The following ZNF644 variants were observed in gnomAD, a reference collection of about 807,000 sequenced individuals.
ZNF644 encodes zinc finger protein 644.
Under a neutral mutation model 108.0 loss-of-function variants are expected in ZNF644, and 20 were observed. That is an observed-to-expected ratio of 0.19 (90% confidence interval 0.13 to 0.27). ZNF644 has a LOEUF of 0.27. Ranked by LOEUF, ZNF644 falls within the 10% of genes least tolerant of loss-of-function variation. The pLI, the probability that ZNF644 is intolerant of heterozygous loss-of-function variation, is 1.00. For synonymous variants in ZNF644, 542 were observed against 539.1 expected (o/e 1.01, Z -0.08); for missense variants, 1,338 against 1,548.9 (o/e 0.86, Z 2.29).
chr1:90,923,156 T>C (rs1047278997), intron 4 of ZNF644, among the ~76,000 whole-genome samples: 3 of 152,140 alleles, frequency 2.0e-5, no homozygotes, highest in Non-Finnish European at 4.4e-5. Flanking sequence ...CACAGTCACA[T>C]AGGGAGAGCC....
rs201554827 is a variant in ZNF644 at position 90,937,444 on chromosome 1, C to A, written c.3688+41G>T. 8.7e-6 allele frequency: 14 copies of A among 1,612,648 alleles called. No homozygotes were observed. In the African/African-American group the frequency reaches 1.6e-4, roughly 18 times the overall value. ...CATTAAAGAAGGCATAATTGAACTG[C>A]ATTTAAACTGTGTATAGCATAGTCA... is the stretch of plus-strand genomic sequence containing the variant. On this transcript the variant is annotated intron_variant, in intron 4 of 5. Coordinates refer to ENST00000337393, the MANE Select transcript of ZNF644 (RefSeq NM_201269.3).
rs148930345 is a variant in ZNF644, at chr1:90,985,611, T to C, written c.-17-3241A>G. ...CTTAGCATAATGTCCTCCAGGTTCA[T>C]CCATGTTGTTGCAAATAACAGAATT... is the stretch of plus-strand genomic sequence containing the variant. On this transcript the variant is annotated intron_variant, in intron 1 of 5. Transcript: ENST00000337393. 3.0e-4 allele frequency among the ~76,000 whole-genome samples: 45 copies of C among 152,338 alleles called. 2 individuals carry two copies. In the East Asian group the frequency reaches 8.7e-3, roughly 29 times the overall value.
In ZNF644 at chr1:90,932,164, G is replaced by A. The variant is rs567115227; in HGVS notation, c.3688+5321C>T. 3.3e-5 allele frequency among the ~76,000 whole-genome samples: 5 copies of A among 152,256 alleles called. No individual in the cohort carries two copies. The South Asian group carries it at 1.0e-3, about 32-fold the overall frequency. On this transcript the variant is annotated intron_variant, in intron 4 of 5. Coordinates refer to ENST00000337393, the MANE Select transcript of ZNF644 (RefSeq NM_201269.3). ...GGATACTTGAAGAGATTATAAGTTA[G>A]AAGAAATATTTTTCTTCCCTCAAAA... is the stretch of plus-strand genomic sequence containing the variant.
At chr1:90,958,090 A>G (rs556633774) in intron 2 of ZNF644, among the ~76,000 whole-genome samples, 2 of 151,908 alleles carry the variant, frequency 1.3e-5, no homozygotes, top group South Asian at 4.2e-4. Flanking sequence ...GCCAACAGCG[A>G]GAAACCCTGT....
At chr1:91,005,720 G>C (rs1000274982) in intron 1 of ZNF644, among the ~76,000 whole-genome samples, 2 of 151,884 alleles carry the variant, frequency 1.3e-5, no homozygotes, top group Non-Finnish European at 2.9e-5. Context: ...AGTATATTGA[G>C]AAAAATGAAA....
At chr1:91,000,057 A>C (rs1328986666) in intron 1 of ZNF644, among the ~76,000 whole-genome samples, 1 of 152,224 alleles carries the variant, frequency 6.6e-6, no homozygotes, top group Non-Finnish European at 1.5e-5. Flanking sequence ...AGAGACCTAC[A>C]AAGAGACTTA....
chr1:90,943,928 A>C (rs530582951), intron 2 of ZNF644, among the ~76,000 whole-genome samples: 1 of 152,382 alleles, frequency 6.6e-6, no homozygotes, highest in East Asian at 1.9e-4. Flanking sequence ...CATAAATCTG[A>C]AACGAACGAC....
Position 90,915,333 on chromosome 1 carries a change from T to C in ZNF644, c.*1465A>G, listed in dbSNP as rs1648656882. 6.6e-6 allele frequency: 1 copy of C among 152,558 alleles called. No individual in the cohort carries two copies. Among genetic ancestry groups the C allele is most frequent in the Admixed American group, 6.5e-5 (1 of 15,268 alleles). The allele number at this position is 152,558 out of a possible 1,614,324, so 9.5% of individuals were successfully genotyped here. A position where few individuals can be genotyped will look rare whatever the true frequency, so the allele number is the denominator to read the frequency against. On this transcript the variant is annotated 3_prime_UTR_variant, in exon 6 of 6. Transcript: ENST00000337393. ...CTTTAAACCTTTTTTTATTTAGAGA[T>C]TTTTCTGGTAAGGAGATATACCATA... is the stretch of plus-strand genomic sequence containing the variant.
intron 1 of ZNF644, among the ~76,000 whole-genome samples, chr1:90,999,433 A>C (rs941694785): frequency 6.6e-6 from 1 of 152,244 alleles, no homozygotes; most frequent in African/African-American, 2.4e-5. Flanking sequence ...TTTCATAGCC[A>C]GCCAAACTAA....
At chr1:90,952,449 G>A (rs1653271408) in intron 2 of ZNF644, among the ~76,000 whole-genome samples, 1 of 152,122 alleles carries the variant, frequency 6.6e-6, no homozygotes, top group African/African-American at 2.4e-5. Flanking sequence ...CATATAGGGA[G>A]AGGTCTATAC....
chr1:90,932,331 C>T (rs1314847299), intron 4 of ZNF644, among the ~76,000 whole-genome samples: 1 of 152,070 alleles, frequency 6.6e-6, no homozygotes, highest in Non-Finnish European at 1.5e-5. Flanking sequence ...GTGGACCACA[C>T]AACTTAAAAT....
intron 2 of ZNF644, among the ~76,000 whole-genome samples, chr1:90,980,141 C>T (rs1656400686): frequency 1.3e-5 from 2 of 152,158 alleles, no homozygotes. Flanking sequence ...ACAGTATTCC[C>T]AGCACTGTGC....
intron 2 of ZNF644, among the ~76,000 whole-genome samples, chr1:90,945,148 A>C (rs2101000372): frequency 6.6e-6 from 1 of 152,270 alleles, no homozygotes; most frequent in South Asian, 2.1e-4. Flanking sequence ...TTATTCATTA[A>C]GTTTAAAAAA....
At chr1:90,957,145 T>C (rs764697914) in intron 2 of ZNF644, among the ~76,000 whole-genome samples, 1 of 152,088 alleles carries the variant, frequency 6.6e-6, no homozygotes, top group African/African-American at 2.4e-5. Flanking sequence ...GTAAAGAGAA[T>C]GAACTAATAA....
rs1165118437 is a variant in ZNF644 at position 90,918,164 on chromosome 1, G to A, written c.3689-10C>T. On this transcript the variant is annotated splice_polypyrimidine_tract_variant and intron_variant, in intron 4 of 5. Transcript: ENST00000337393. ...TGCTTACAATCTAAGGCTAAAAAGG[G>A]GAAGAGAAAGACTTAACATTCCTTA... The A allele has an allele frequency of 1.2e-6, 2 of 1,603,736 alleles. No homozygotes were observed. Among genetic ancestry groups the A allele is most frequent in the Non-Finnish European group, 1.7e-6 (2 of 1,170,832 alleles).
chr1:90,982,294 G>T lies in ZNF644; in HGVS notation c.44+16C>A. 6.3e-7 allele frequency: 1 copy of T among 1,599,512 alleles called. No homozygotes were observed. ...TACCTTGATATGTACATTTAACAAA[G>T]CAGTCTTCTACTTACCTAGATTTTG... On this transcript the variant is annotated intron_variant, in intron 2 of 5. Transcript: ENST00000337393.
At chr1:91,004,111 CAA>C (rs1409172043) in intron 1 of ZNF644, among the ~76,000 whole-genome samples, 2 of 151,902 alleles carry the variant, frequency 1.3e-5, no homozygotes, top group Non-Finnish European at 2.9e-5. Flanking sequence ...AGGAGTTCTA[CAA>C]AAGAGGGGAG....
At position 90,939,315 on chromosome 1, in the gene ZNF644, C is replaced by A. The variant is rs752426724; in HGVS notation, c.2039G>T (p.Arg680Leu). The A allele has an allele frequency of 1.2e-6, 2 of 1,613,882 alleles. No homozygotes were observed. Among genetic ancestry groups the A allele is most frequent in the Non-Finnish European group, 1.7e-6 (2 of 1,179,902 alleles). The change falls in exon 3 of 6, where the codon CGG becomes CTG. Residue 680 changes from arginine (R) to leucine (L), a missense_variant. Physicochemically the swap from Arg to Leu is moderately radical, Grantham distance 102. Around this residue, in one of 6 missense-constraint regions of ZNF644, gnomAD observed 462 missense variants for 472.6 expected, o/e 0.98. Coordinates refer to ENST00000337393, the MANE Select transcript of ZNF644 (RefSeq NM_201269.3). ...CCGAGCTTTCTGTATTCTGTGTGGC[C>A]GCTTATGAATTTTTGAAAAACTACT... is the stretch of plus-strand genomic sequence containing the variant. ...QSSSFSKIHK[R>L]PHRIQKARKS...
chr1:90,949,382 T>C (rs1051558631), intron 2 of ZNF644, among the ~76,000 whole-genome samples: 1 of 152,034 alleles, frequency 6.6e-6, no homozygotes, highest in African/African-American at 2.4e-5. Flanking sequence ...CCAGAAAAAA[T>C]CCAATTATCA....
Sources: gnomAD v4.1 joint callset for allele counts (sites outside exome capture counted in the v4.1 genomes callset) on GRCh38, gnomAD v4.1.1 for gene constraint, gnomAD v4.1.1 regional missense constraint, MANE v1.5 for transcripts, NCBI Gene and HGNC (gene_info 2026-07-23, HGNC 2026-07-21) for gene names.